Variants in ATRNL1 observed in about 807,000 individuals in gnomAD.
The protein encoded by ATRNL1 is attractin like 1.
ATRNL1 carries 95 observed loss-of-function variants against 182.7 expected under a neutral mutation model. The ratio of observed to expected loss-of-function variants is 0.52; its 90% CI spans 0.44 to 0.62. The LOEUF (loss-of-function observed/expected upper bound fraction) is 0.62. Among genes scored for constraint, ATRNL1 ranks in the 20% least tolerant of loss-of-function variants. The pLI is 0.00. For missense variants in ATRNL1, 1,471 were observed against 1,679.5 expected, an observed-to-expected ratio of 0.88 and a Z score of 2.17; for synonymous variants, 576 against 568.3, an observed-to-expected ratio of 1.01 and a Z score of -0.19.
At chr10:115,826,153 A>C (rs1299918333) in intron 27 of ATRNL1, among the ~76,000 whole-genome samples, 1 of 152,172 alleles carries the variant, frequency 6.6e-6, no homozygotes, top group Non-Finnish European at 1.5e-5. Flanking sequence ...GCTAGCTATG[A>C]CTGTTCTCTA....
At chr10:115,117,360 C>T (rs1844536517) in intron 1 of ATRNL1, among the ~76,000 whole-genome samples, 1 of 151,970 alleles carries the variant, frequency 6.6e-6, no homozygotes, top group Non-Finnish European at 1.5e-5. Flanking sequence ...TTACCACTAC[C>T]CTTCCCAGCC....
intron 19 of ATRNL1, among the ~76,000 whole-genome samples, chr10:115,350,292 C>A (rs532879666): frequency 8.2e-6 from 1 of 122,592 alleles, no homozygotes. Context: ...GCCAAGATTG[C>A]GCCACTGCAC....
intron 28 of ATRNL1, among the ~76,000 whole-genome samples, chr10:115,917,854 T>C (rs1455980570): frequency 6.6e-6 from 1 of 152,138 alleles, no homozygotes; most frequent in Non-Finnish European, 1.5e-5. Context: ...AGTAACAAAA[T>C]AAATAGGGGC....
intron 26 of ATRNL1, among the ~76,000 whole-genome samples, chr10:115,601,846 A>T (rs986347856): frequency 6.6e-6 from 1 of 152,100 alleles, no homozygotes; most frequent in Non-Finnish European, 1.5e-5. Context: ...TGCAGTGTTT[A>T]GACTACATAT....
chr10:115,775,796 A>C (rs1299016654), intron 27 of ATRNL1, among the ~76,000 whole-genome samples: 1 of 151,910 alleles, frequency 6.6e-6, no homozygotes, highest in Non-Finnish European at 1.5e-5. Context: ...CTCTACTAAA[A>C]AAAATACAAA....
At chr10:115,234,359 C>T (rs2144538349) in intron 9 of ATRNL1, among the ~76,000 whole-genome samples, 1 of 151,814 alleles carries the variant, frequency 6.6e-6, no homozygotes, top group Non-Finnish European at 1.5e-5. Context: ...TTTATATCTC[C>T]CTATATATCT....
At chr10:115,916,450 C>T (rs943566395) in intron 28 of ATRNL1, among the ~76,000 whole-genome samples, 1 of 152,120 alleles carries the variant, frequency 6.6e-6, no homozygotes, top group Non-Finnish European at 1.5e-5. Context: ...AACACAGAGG[C>T]AAAGAAGCAA....
At chr10:115,812,633 C>T (rs1044452000) in intron 27 of ATRNL1, among the ~76,000 whole-genome samples, 1 of 152,064 alleles carries the variant, frequency 6.6e-6, no homozygotes, top group Non-Finnish European at 1.5e-5. Flanking sequence ...CACACCACCA[C>T]ACCCAGCTAA....
chr10:115,597,582 T>A lies in ATRNL1; in HGVS notation c.3795+48046T>A, dbSNP rs1380616380. 3 of 372,054 alleles carry A rather than the reference T, an allele frequency of 8.1e-6. No individual in the cohort carries two copies. In the East Asian group the frequency reaches 2.8e-4, roughly 35 times the overall value. 23.0% of individuals were successfully genotyped at this position (372,054 alleles called of 1,614,324 possible). A position where few individuals can be genotyped will look rare whatever the true frequency, so the allele number is the denominator to read the frequency against. The stretch of plus-strand genomic sequence containing the variant: ...ATTTATGGGAGCTTTTTTTTTTTTT[T>A]TTTTTTGGAGACAGAGTCACACTCT... On this transcript the variant is annotated intron_variant, in intron 26 of 28. Transcript: ENST00000355044.
At chr10:115,479,305 G>A (rs374287048) in intron 24 of ATRNL1, among the ~76,000 whole-genome samples, 3 of 151,466 alleles carry the variant, frequency 2.0e-5, no homozygotes, top group African/African-American at 7.3e-5. Flanking sequence ...TCTAGAAATC[G>A]AGAAATGTTT....
At chr10:115,512,549 T>C (rs7906461) in intron 24 of ATRNL1, among the ~76,000 whole-genome samples, 4,193 of 151,508 alleles carry the variant, frequency 0.028, 223 homozygotes, top group African/African-American at 0.097. Context: ...CATTTATTTA[T>C]AATAATTTAT....
chr10:115,095,026 T>A (rs1036469300), intron 1 of ATRNL1, among the ~76,000 whole-genome samples: 4 of 152,214 alleles, frequency 2.6e-5, no homozygotes, highest in African/African-American at 9.7e-5. Context: ...ACTTTCTTCG[T>A]ACTGGTTGGT....
At chr10:115,888,514 TTAAA>T (rs1952006143) in intron 28 of ATRNL1, among the ~76,000 whole-genome samples, 1 of 152,152 alleles carries the variant, frequency 6.6e-6, no homozygotes, top group African/African-American at 2.4e-5. Context: ...CCACTGTCAC[TTAAA>T]TAAATAATAC....
chr10:115,384,755 T>A (rs1457079757), intron 19 of ATRNL1, among the ~76,000 whole-genome samples: 2 of 152,060 alleles, frequency 1.3e-5, no homozygotes, highest in Non-Finnish European at 2.9e-5. Context: ...TTGATGATCC[T>A]TGCTGCAGAC....
rs567496249 is a variant in ATRNL1 at position 115,134,393 on chromosome 10, A to G, written c.829+4858A>G. Among the ~76,000 whole-genome samples, 16 of 152,372 alleles carry G rather than the reference A, an allele frequency of 1.1e-4. No individual in the cohort carries two copies. The South Asian group carries it at 3.3e-3, about 32-fold the overall frequency. ...CCACAGAGATACAAACAACCATCAG[A>G]GAATACTATAAACACCTCTATGCAA... On this transcript the variant is annotated intron_variant, in intron 5 of 28. Coordinates refer to ENST00000355044, the MANE Select transcript of ATRNL1 (RefSeq NM_207303.4).
intron 9 of ATRNL1, among the ~76,000 whole-genome samples, chr10:115,229,137 AAATT>A (rs1278672869): frequency 1.3e-5 from 2 of 152,112 alleles, no homozygotes; most frequent in East Asian, 1.9e-4. Flanking sequence ...TCTGTGGTAC[AAATT>A]AATTCTGTAC....
intron 27 of ATRNL1, among the ~76,000 whole-genome samples, chr10:115,833,090 A>G (rs537139445): frequency 6.6e-6 from 1 of 152,312 alleles, no homozygotes; most frequent in Admixed American, 6.5e-5. Flanking sequence ...TTCATTTGTA[A>G]TAAGCAGGAA....
chr10:115,457,593 C>T (rs549208107), intron 21 of ATRNL1, among the ~76,000 whole-genome samples: 7 of 152,102 alleles, frequency 4.6e-5, no homozygotes, highest in East Asian at 1.9e-4. Context: ...TTTCTCTGCC[C>T]GCACATTTCC....
chr10:115,444,751 T>C (rs2134457824), intron 21 of ATRNL1, among the ~76,000 whole-genome samples: 1 of 152,102 alleles, frequency 6.6e-6, no homozygotes, highest in Non-Finnish European at 1.5e-5. Context: ...TAGAGCAAGA[T>C]ATTTATATCT....
Sources: gnomAD v4.1 joint callset for allele counts (sites outside exome capture counted in the v4.1 genomes callset) on GRCh38, gnomAD v4.1.1 for gene constraint, MANE v1.5 for transcripts, NCBI Gene and HGNC (gene_info 2026-07-23, HGNC 2026-07-21) for gene names.